WARS2: variants seen among roughly 807,000 people sequenced by gnomAD.
WARS2 encodes the protein tryptophanyl tRNA synthetase 2, mitochondrial.
In WARS2, 28 loss-of-function variants were observed where a neutral mutation model predicts 36.5. The observed-to-expected ratio is 0.77, with a 90% CI of 0.57 to 1.05. The LOEUF (loss-of-function observed/expected upper bound fraction) is 1.05, where lower values mean the gene tolerates loss of function less well. Among genes scored for constraint, WARS2 ranks in the 50% least tolerant of loss-of-function variants. The probability of loss-of-function intolerance (pLI) is 0.00; values close to 1 mark genes in which losing one functional copy is unlikely to be tolerated. For missense variants in WARS2, 435 were observed against 456.8 expected (o/e 0.95, Z 0.44); for synonymous variants, 174 against 178.4 (o/e 0.98, Z 0.20).
intron 1 of WARS2, among the ~76,000 whole-genome samples, chr1:119,133,601 C>T (rs916380399): frequency 6.6e-6 from 1 of 152,132 alleles, no homozygotes; most frequent in Non-Finnish European, 1.5e-5. Flanking sequence ...TAATGAATGT[C>T]AAATACTTAA....
chr1:119,095,281 A>C (rs1268372457), intron 1 of WARS2, among the ~76,000 whole-genome samples: 1 of 152,092 alleles, frequency 6.6e-6, no homozygotes, highest in Non-Finnish European at 1.5e-5. Context: ...AGAAAGCTAC[A>C]CTGCTATATA....
intron 2 of WARS2, among the ~76,000 whole-genome samples, chr1:119,056,365 A>G (rs112599160): frequency 0.016 from 2,464 of 149,898 alleles, 61 homozygotes; most frequent in East Asian, 0.052. Context: ...GCAGTAAACT[A>G]CCTGCAGTGT....
At position 119,102,150 on chromosome 1, in the gene WARS2, T is replaced by C. The variant is rs587731079; in HGVS notation, c.91-25543A>G. Among the ~76,000 whole-genome samples, 130 of 152,314 alleles carry C rather than the reference T, an allele frequency of 8.5e-4. 1 individual carries two copies. The highest frequency in any genetic ancestry group is 1.2e-3 in the Non-Finnish European group (82 of 68,024). ...CATTCATCCATCCATTTACATTTAT[T>C]GAGCACTAGCCATGTACCAAACACC... On this transcript the variant is annotated intron_variant, in intron 1 of 5. Coordinates refer to ENST00000235521, the MANE Select transcript of WARS2 (RefSeq NM_015836.4).
intron 2 of WARS2, among the ~76,000 whole-genome samples, chr1:119,052,563 T>C (rs1003123514): frequency 6.6e-6 from 1 of 152,142 alleles, no homozygotes; most frequent in African/African-American, 2.4e-5. Context: ...ACATCTGGAG[T>C]TCTCTATACT....
intron 1 of WARS2, among the ~76,000 whole-genome samples, chr1:119,132,647 A>G (rs1246025182): frequency 6.6e-6 from 1 of 152,190 alleles, no homozygotes; most frequent in African/African-American, 2.4e-5. Context: ...TGGTGAATAA[A>G]GAGTAGGCTT....
intron 2 of WARS2, among the ~76,000 whole-genome samples, chr1:119,054,591 A>G (rs191185882): frequency 5.3e-5 from 8 of 152,306 alleles, no homozygotes; most frequent in African/African-American, 1.9e-4. Context: ...CTCAAAGAAT[A>G]TTTGTACACT....
intron 3 of WARS2, among the ~76,000 whole-genome samples, chr1:119,043,924 CT>C (rs1648578001): frequency 6.6e-6 from 1 of 152,188 alleles, no homozygotes; most frequent in African/African-American, 2.4e-5. Flanking sequence ...ACTATTCCAC[CT>C]TTTGCTGTCC....
rs192787802 is a variant in WARS2, at chr1:119,056,504, A to T, written c.349-10842T>A. Among the ~76,000 whole-genome samples, 1,154 of 147,544 alleles carry T rather than the reference A, an allele frequency of 7.8e-3. 16 individuals are homozygous for T. Among genetic ancestry groups the T allele is most frequent in the African/African-American group, 0.027 (1,098 of 40,404 alleles). On this transcript the variant is annotated intron_variant, in intron 2 of 5. Transcript: ENST00000235521. ...TATTTAGTCCATATACATTCTATATATTTGTAGACTTAGACTATAGACTAA... is the reference window on the plus strand; with the variant it reads ...TATTTAGTCCATATACATTCTATATTTTTGTAGACTTAGACTATAGACTAA...
At chr1:119,132,548 C>A (rs1656192247) in intron 1 of WARS2, among the ~76,000 whole-genome samples, 1 of 152,170 alleles carries the variant, frequency 6.6e-6, no homozygotes, top group Admixed American at 6.5e-5. Context: ...CATGGGAGGA[C>A]AGGAATCCAA....
chr1:119,055,129 T>G (rs1649665977), intron 2 of WARS2, among the ~76,000 whole-genome samples: 1 of 152,160 alleles, frequency 6.6e-6, no homozygotes, highest in Admixed American at 6.5e-5. Flanking sequence ...ATGGTAAATT[T>G]TATGTTATGT....
At chr1:119,067,029 G>A (rs1172605083) in intron 2 of WARS2, among the ~76,000 whole-genome samples, 3 of 152,070 alleles carry the variant, frequency 2.0e-5, no homozygotes. Flanking sequence ...AACTGTTAAG[G>A]AGGCAGACAA....
chr1:119,139,446 G>C (rs1291768081), intron 1 of WARS2, among the ~76,000 whole-genome samples: 1 of 152,134 alleles, frequency 6.6e-6, no homozygotes, highest in Non-Finnish European at 1.5e-5. Context: ...TGGAACTATA[G>C]ATTTTCCAGA....
chr1:119,100,340 T>G (rs1240717172), intron 1 of WARS2, among the ~76,000 whole-genome samples: 1 of 152,096 alleles, frequency 6.6e-6, no homozygotes. Context: ...ACCCTGCTGG[T>G]GGGAATGGAA....
intron 1 of WARS2, chr1:119,084,893 C>A (rs1041881726): frequency 9.9e-6 from 3 of 304,300 alleles, no homozygotes; most frequent in Non-Finnish European, 1.9e-5. Context: ...TTAAAAGAAT[C>A]CAGCCCCAGG....
intron 1 of WARS2, among the ~76,000 whole-genome samples, chr1:119,111,857 G>C (rs1257996994): frequency 2.0e-5 from 3 of 152,152 alleles, no homozygotes; most frequent in African/African-American, 7.2e-5. Context: ...TTGGGGGGCA[G>C]AAGTCTTCGC....
At chr1:119,135,409 G>T (rs1186035216) in intron 1 of WARS2, among the ~76,000 whole-genome samples, 1 of 152,152 alleles carries the variant, frequency 6.6e-6, no homozygotes, top group Non-Finnish European at 1.5e-5. Flanking sequence ...TTATATAACA[G>T]GGATTCATGT....
chr1:119,064,776 T>G (rs1277794097), intron 2 of WARS2: 1 of 152,666 alleles, frequency 6.6e-6, no homozygotes, highest in Non-Finnish European at 1.5e-5. Flanking sequence ...TTAAAACTCT[T>G]TTTCTTCCCA....
At chr1:119,113,962 T>C (rs1226435886) in intron 1 of WARS2, among the ~76,000 whole-genome samples, 1 of 152,154 alleles carries the variant, frequency 6.6e-6, no homozygotes, top group East Asian at 1.9e-4. Context: ...TTCTAAGTTA[T>C]ATCTAATAAG....
intron 1 of WARS2, among the ~76,000 whole-genome samples, chr1:119,139,221 T>C (rs1480888803): frequency 1.3e-5 from 2 of 152,194 alleles, no homozygotes; most frequent in Non-Finnish European, 2.9e-5. Context: ...TTACCTAACA[T>C]TGCTGCTGAA....
Sources: gnomAD v4.1 joint callset for allele counts (sites outside exome capture counted in the v4.1 genomes callset) on GRCh38, gnomAD v4.1.1 for gene constraint, MANE v1.5 for transcripts, NCBI Gene and HGNC (gene_info 2026-07-23, HGNC 2026-07-21) for gene names.